MACROD1: variants seen among roughly 807,000 people sequenced by gnomAD.
The protein encoded by MACROD1 is mono-ADP ribosylhydrolase 1.
MACROD1 carries 31 observed loss-of-function variants against 41.4 expected under a neutral mutation model. That is an observed-to-expected ratio of 0.75 (90% confidence interval 0.56 to 1.01). The LOEUF is 1.01. Among genes scored for constraint, MACROD1 ranks in the 50% least tolerant of loss-of-function variants. The pLI, the probability that MACROD1 is intolerant of heterozygous loss-of-function variation, is 0.00. For missense variants in MACROD1, 473 were observed against 460.0 expected (o/e 1.03, Z -0.26); for synonymous variants, 252 against 203.4 (o/e 1.24, Z -2.03).
Position 64,064,729 on chromosome 11 carries a change from C to G in MACROD1, c.518-49448G>C, listed in dbSNP as rs529041927. ...AGTTCTCCTCTCCCCTCCCTGCCAG[C>G]CCCCCAGCAGGCAGCCAGGCCTGGA... On this transcript the variant is annotated intron_variant, in intron 3 of 10. Transcript: ENST00000255681. The surrounding 1 kb of genome is among the most constrained non-coding windows in gnomAD (Gnocchi z 4.5). 9.6e-4 allele frequency among the ~76,000 whole-genome samples: 145 copies of G among 150,878 alleles called. No individual in the cohort carries two copies. Among genetic ancestry groups the G allele is most frequent in the African/African-American group, 3.1e-3 (130 of 41,274 alleles).
chr11:64,011,991 C>T (rs549184205), intron 4 of MACROD1, among the ~76,000 whole-genome samples: 39 of 152,194 alleles, frequency 2.6e-4, no homozygotes, highest in Admixed American at 5.9e-4. Context: ...CTACCACAGC[C>T]CCCTCCCCAC....
At chr11:64,047,193 C>T (rs2134402387) in intron 3 of MACROD1, among the ~76,000 whole-genome samples, 1 of 152,336 alleles carries the variant, frequency 6.6e-6, no homozygotes, top group South Asian at 2.1e-4. Context: ...GCCCCCCTCC[C>T]CTCCCCTGCC....
At chr11:64,157,862 G>A (rs942277581) in intron 1 of MACROD1, among the ~76,000 whole-genome samples, 4 of 152,160 alleles carry the variant, frequency 2.6e-5, no homozygotes, top group Admixed American at 6.6e-5. Context: ...ATTTAGACTC[G>A]GTGGCAGGGG....
intron 3 of MACROD1, chr11:64,086,767 C>T (rs1392932628): frequency 6.6e-6 from 1 of 152,192 alleles, no homozygotes; most frequent in Non-Finnish European, 1.5e-5. Flanking sequence ...CCCAGATCAC[C>T]CAAGCAGCTG....
intron 3 of MACROD1, among the ~76,000 whole-genome samples, chr11:64,106,902 G>A (rs1944772103): frequency 6.6e-6 from 1 of 150,906 alleles, no homozygotes; most frequent in South Asian, 2.1e-4. Context: ...TTTTTTTTGA[G>A]ATAGGGTCTT....
At chr11:64,076,824 C>A (rs1481786424) in intron 3 of MACROD1, among the ~76,000 whole-genome samples, 4 of 152,176 alleles carry the variant, frequency 2.6e-5, no homozygotes, top group African/African-American at 9.7e-5. Flanking sequence ...GCGTGAGCAG[C>A]CCCCCGGTCC....
intron 3 of MACROD1, among the ~76,000 whole-genome samples, chr11:64,059,118 G>A (rs907215385): frequency 4.6e-5 from 7 of 152,176 alleles, no homozygotes; most frequent in Non-Finnish European, 7.3e-5. Flanking sequence ...CTGAAAGGAC[G>A]GAACAGCCCC....
At chr11:64,152,946 G>A (rs1033612919) in intron 1 of MACROD1, among the ~76,000 whole-genome samples, 19 of 152,176 alleles carry the variant, frequency 1.2e-4, no homozygotes, top group African/African-American at 4.3e-4. Flanking sequence ...CCCCGGCAGC[G>A]GCTGAGGGCT....
At chr11:64,051,208 G>A (rs3897565) in intron 3 of MACROD1, among the ~76,000 whole-genome samples, 4 of 152,238 alleles carry the variant, frequency 2.6e-5, no homozygotes, top group African/African-American at 9.7e-5. Context: ...GGGGCCAGGG[G>A]TGCCAAGACA....
intron 3 of MACROD1, among the ~76,000 whole-genome samples, chr11:64,088,152 T>C (rs908019582): frequency 1.3e-5 from 2 of 152,008 alleles, no homozygotes; most frequent in Non-Finnish European, 2.9e-5. Flanking sequence ...TCTGCAAAAA[T>C]AAAGTTGAAC....
chr11:64,085,594 C>A (rs1258181029), intron 3 of MACROD1, among the ~76,000 whole-genome samples: 1 of 152,228 alleles, frequency 6.6e-6, no homozygotes, highest in African/African-American at 2.4e-5. Flanking sequence ...CAGGCCGCAG[C>A]GTGGGCCAGC....
intron 3 of MACROD1, among the ~76,000 whole-genome samples, chr11:64,115,663 C>T (rs1944964201): frequency 2.0e-5 from 3 of 152,176 alleles, no homozygotes; most frequent in Admixed American, 6.5e-5. Context: ...CAGGTTCTGG[C>T]GACGCCCCCC....
rs1942752568 is a variant in MACROD1, at chr11:63,998,564, A to C, written c.*154T>G. ...GAGCTCAGACAGTAGGAGCTGCCAC[A>C]ACGAGATCTTTATTAGGCTCCTCGG... On this transcript the variant is annotated 3_prime_UTR_variant, in exon 11 of 11. Transcript: ENST00000255681. 8.5e-7 allele frequency: 1 copy of C among 1,178,278 alleles called. No individual in the cohort carries two copies. The highest frequency in any genetic ancestry group is 3.6e-5 in the South Asian group (1 of 27,460). 73.0% of individuals were successfully genotyped at this position (1,178,278 alleles called of 1,614,324 possible). A position where few individuals can be genotyped will look rare whatever the true frequency, so the allele number is the denominator to read the frequency against.
intron 1 of MACROD1, among the ~76,000 whole-genome samples, chr11:64,165,001 A>G (rs1385407991): frequency 6.6e-6 from 1 of 152,234 alleles, no homozygotes; most frequent in Non-Finnish European, 1.5e-5. Flanking sequence ...TCACAGGGAC[A>G]AGACCCCACC....
At chr11:64,013,888 C>T (rs1326990621) in intron 4 of MACROD1, among the ~76,000 whole-genome samples, 1 of 152,172 alleles carries the variant, frequency 6.6e-6, no homozygotes, top group African/African-American at 2.4e-5. Flanking sequence ...CTACGCATCC[C>T]TCAGATTGCA....
At chr11:64,062,868 C>G (rs1287377452) in intron 3 of MACROD1, among the ~76,000 whole-genome samples, 1 of 152,224 alleles carries the variant, frequency 6.6e-6, no homozygotes, top group East Asian at 1.9e-4. Flanking sequence ...CCGGCCCCGC[C>G]TCCTAGGCCA....
intron 3 of MACROD1, among the ~76,000 whole-genome samples, chr11:64,035,635 G>A (rs1943359467): frequency 8.4e-6 from 1 of 119,430 alleles, no homozygotes; most frequent in South Asian, 2.9e-4. Context: ...GCTTCTCCCC[G>A]GCTGGGCCAG....
At chr11:64,010,042 T>TTGGGGTGTTGGC (rs542851320) in intron 4 of MACROD1, among the ~76,000 whole-genome samples, 8 of 133,338 alleles carry the variant, frequency 6.0e-5, no homozygotes, top group African/African-American at 1.1e-4. Context: ...GGGTTGTTGG[T>TTGGGGTGTTGGC]TGGGGTGTTG....
rs944720145 is a variant in MACROD1, at chr11:64,064,148, CTTCT to C, written c.518-48871_518-48868del. On this transcript the variant is annotated intron_variant, in intron 3 of 10. Transcript: ENST00000255681. This position sits in a 1 kb window ranked among gnomAD's most constrained non-coding sequence, Gnocchi z 4.5. ...TCTCTCCCACTCTCCCTTTCAGCATCTTCTCTCTCTTGTCTTCTGAGGACAGATG... is the reference window on the plus strand; with the variant it reads ...TCTCTCCCACTCTCCCTTTCAGCATCCTCTCTTGTCTTCTGAGGACAGATG... 6.6e-5 allele frequency among the ~76,000 whole-genome samples: 10 copies of C among 152,208 alleles called. No individual in the cohort carries two copies. Among genetic ancestry groups the C allele is most frequent in the African/African-American group, 2.4e-4 (10 of 41,446 alleles).
Sources: gnomAD v4.1 joint callset for allele counts (sites outside exome capture counted in the v4.1 genomes callset) on GRCh38, gnomAD v4.1.1 for gene constraint, Gnocchi (gnomAD v3.1) non-coding constraint, MANE v1.5 for transcripts, NCBI Gene and HGNC (gene_info 2026-07-23, HGNC 2026-07-21) for gene names.